KREMEN1: variants seen among roughly 807,000 people sequenced by gnomAD.
KREMEN1 encodes kremen protein 1.
In KREMEN1, 30 loss-of-function variants were observed where a neutral mutation model predicts 46.5. The observed-to-expected ratio is 0.65, with a 90% CI of 0.48 to 0.88. KREMEN1 has a LOEUF of 0.88. Among genes scored for constraint, KREMEN1 ranks in the 40% least tolerant of loss-of-function variants. The probability of loss-of-function intolerance (pLI) is 0.00; values close to 1 mark genes in which losing one functional copy is unlikely to be tolerated. For missense variants in KREMEN1, 533 were observed against 596.9 expected (o/e 0.89, Z 1.11); for synonymous variants, 214 against 230.6 (o/e 0.93, Z 0.65).
chr22:29,152,901 A>G (rs984608182), intron 9 of KREMEN1, among the ~76,000 whole-genome samples: 3 of 152,208 alleles, frequency 2.0e-5, no homozygotes, highest in Non-Finnish European at 4.4e-5. Flanking sequence ...TAAAGGAATA[A>G]AGGAGGGCTA....
intron 1 of KREMEN1, among the ~76,000 whole-genome samples, chr22:29,078,482 G>GA (rs770244857): frequency 3.6e-3 from 325 of 89,434 alleles, no homozygotes; most frequent in African/African-American, 0.011. Context: ...AAACAGCCAG[G>GA]AAAAAAAAAA....
chr22:29,093,907 C>T (rs1423107417), intron 1 of KREMEN1, among the ~76,000 whole-genome samples: 1 of 152,200 alleles, frequency 6.6e-6, no homozygotes, highest in Admixed American at 6.5e-5. Context: ...TCCAGAATTC[C>T]ACATGGATGG....
At chr22:29,080,271 CAAATT>C (rs2037633412) in intron 1 of KREMEN1, among the ~76,000 whole-genome samples, 1 of 152,188 alleles carries the variant, frequency 6.6e-6, no homozygotes, top group Non-Finnish European at 1.5e-5. Flanking sequence ...TCCTTTCAAT[CAAATT>C]AGAGACTGTA....
intron 9 of KREMEN1, among the ~76,000 whole-genome samples, chr22:29,165,635 GAATTTTGCTCAAGACCAAAC>G (rs927879345): frequency 6.6e-6 from 1 of 152,184 alleles, no homozygotes; most frequent in African/African-American, 2.4e-5. Context: ...TCAAAAGAGG[GAATTTTGCTCAAGACCAAAC>G]AACTAAGAAG....
At chr22:29,134,720 G>A (rs1352559447) in intron 5 of KREMEN1, among the ~76,000 whole-genome samples, 1 of 152,088 alleles carries the variant, frequency 6.6e-6, no homozygotes, top group Non-Finnish European at 1.5e-5. Context: ...GAGCTAGGTT[G>A]TTTCTATCAC....
intron 5 of KREMEN1, 107 bp from the exon 6 acceptor site, chr22:29,137,235 C>T: frequency 1.4e-6 from 1 of 736,556 alleles, no homozygotes; most frequent in Non-Finnish European, 2.1e-6. Flanking sequence ...GAAACAATGT[C>T]CTAAATGGGA....
chr22:29,102,300 C>A (rs1187985614), intron 3 of KREMEN1, among the ~76,000 whole-genome samples: 2 of 152,186 alleles, frequency 1.3e-5, no homozygotes, highest in East Asian at 1.9e-4. Flanking sequence ...ATCCTTCCAA[C>A]CTGAGTGTGC....
chr22:29,164,468 C>T (rs747645079), intron 9 of KREMEN1, among the ~76,000 whole-genome samples: 5 of 152,194 alleles, frequency 3.3e-5, no homozygotes, highest in Non-Finnish European at 7.3e-5. Flanking sequence ...TGCCATGTAA[C>T]AAACTATCCA....
In KREMEN1 at chr22:29,131,868, T is replaced by G. The variant is rs1260196871; in HGVS notation, c.632-5474T>G. Among the ~76,000 whole-genome samples, 7 of 23,664 alleles carry G rather than the reference T, an allele frequency of 3.0e-4. No homozygotes were observed. The South Asian group carries it at 9.9e-3, about 33-fold the overall frequency. The allele number at this position is 23,664 out of a possible 152,430, so 15.5% of individuals were successfully genotyped here. On this transcript the variant is annotated intron_variant, in intron 5 of 8. Transcript: ENST00000400335. ...GCTTCTTTCACTTAGAATAATGCTTTTTTTTTTTTTTTTTTTTTTTTGAGA... is the reference window on the plus strand; with the variant it reads ...GCTTCTTTCACTTAGAATAATGCTTGTTTTTTTTTTTTTTTTTTTTTGAGA...
downstream of KREMEN1, among the ~76,000 whole-genome samples, chr22:29,151,786 G>C (rs542247960): frequency 8.5e-4 from 129 of 152,216 alleles, no homozygotes; most frequent in Non-Finnish European, 1.6e-3. Context: ...GAGGTGGGTG[G>C]ATCACTTGAG....
intron 1 of KREMEN1, among the ~76,000 whole-genome samples, chr22:29,084,002 T>C (rs2145743150): frequency 6.6e-6 from 1 of 152,268 alleles, no homozygotes; most frequent in Non-Finnish European, 1.5e-5. Context: ...AAGGGGTAGA[T>C]TACTCATGAG....
chr22:29,139,198 C>T (rs1420747471), intron 7 of KREMEN1, among the ~76,000 whole-genome samples: 1 of 152,154 alleles, frequency 6.6e-6, no homozygotes, highest in Admixed American at 6.5e-5. Flanking sequence ...GTTCTAGGTA[C>T]TGGATTATAG....
chr22:29,119,116 G>A (rs2038290540), intron 3 of KREMEN1, among the ~76,000 whole-genome samples: 1 of 152,200 alleles, frequency 6.6e-6, no homozygotes, highest in Admixed American at 6.5e-5. Flanking sequence ...GGGAGGCTGA[G>A]GCAGGAGGAT....
chr22:29,096,686 A>G (rs2145767333), intron 2 of KREMEN1, among the ~76,000 whole-genome samples: 2 of 152,330 alleles, frequency 1.3e-5, no homozygotes, highest in South Asian at 4.1e-4. Context: ...CAGCAAAGTC[A>G]AGGATGAATT....
Position 29,110,005 on chromosome 22 carries a change from C to A in KREMEN1, c.352+11052C>A, listed in dbSNP as rs78673441. On this transcript the variant is annotated intron_variant, in intron 3 of 8. Transcript: ENST00000400335. The stretch of plus-strand genomic sequence containing the variant: ...TCCCAGGGACACAGCAGTTATCATT[C>A]CTCTTGAACTTGGACTGACCTTTTA... 1.9e-3 allele frequency among the ~76,000 whole-genome samples: 285 copies of A among 152,310 alleles called. 1 individual carries two copies. Among genetic ancestry groups the A allele is most frequent in the African/African-American group, 6.1e-3 (252 of 41,568 alleles).
downstream of KREMEN1, among the ~76,000 whole-genome samples, chr22:29,149,425 T>C (rs995793417): frequency 6.6e-6 from 1 of 152,078 alleles, no homozygotes; most frequent in Non-Finnish European, 1.5e-5. Flanking sequence ...CCTCCCAAAG[T>C]GCTGGTATTA....
chr22:29,099,103 T>C (rs763642057), intron 3 of KREMEN1, 150 bp downstream of exon 3: 7 of 609,386 alleles, frequency 1.1e-5, no homozygotes, highest in African/African-American at 1.9e-5. Flanking sequence ...GGATTTTCAC[T>C]TCTCTTGTTG....
chr22:29,113,635 G>A (rs1447208603), intron 3 of KREMEN1, among the ~76,000 whole-genome samples: 3 of 152,184 alleles, frequency 2.0e-5, no homozygotes, highest in Non-Finnish European at 4.4e-5. Flanking sequence ...ATGAAACTGA[G>A]CTGAGAAGGG....
Position 29,134,419 on chromosome 22 carries a change from A to C in KREMEN1, c.632-2923A>C, listed in dbSNP as rs867738370. 8.5e-4 allele frequency among the ~76,000 whole-genome samples: 130 copies of C among 152,122 alleles called. 1 individual carries two copies. Among genetic ancestry groups the C allele is most frequent in the African/African-American group, 2.9e-3 (121 of 41,484 alleles). On this transcript the variant is annotated intron_variant, in intron 5 of 8. Coordinates refer to ENST00000400335, the MANE Select transcript of KREMEN1 (RefSeq NM_001039570.3). ...AGATCCTCCTCCCGTGGCCCCTCAA[A>C]GTGTTGGGATTACAGGCATGAGCCA...
Sources: gnomAD v4.1 joint callset for allele counts (sites outside exome capture counted in the v4.1 genomes callset) on GRCh38, gnomAD v4.1.1 for gene constraint, MANE v1.5 for transcripts, NCBI Gene and HGNC (gene_info 2026-07-23, HGNC 2026-07-21) for gene names.